The following SLC45A3 variants were observed in gnomAD, a reference collection of about 807,000 sequenced individuals.
SLC45A3 encodes the protein solute carrier family 45 member 3.
SLC45A3 carries 17 observed loss-of-function variants against 35.3 expected under a neutral mutation model. The observed-to-expected ratio is 0.48, with a 90% CI of 0.33 to 0.72. SLC45A3 has a LOEUF of 0.72. SLC45A3 is among the 30% of genes least tolerant of loss of function. The pLI is 0.02. For synonymous variants in SLC45A3, 288 were observed against 334.3 expected (o/e 0.86, Z 1.51); for missense variants, 597 against 731.7 (o/e 0.82, Z 2.12).
Position 205,678,294 on chromosome 1 carries a change from G to A in SLC45A3, c.-231+2100C>T, listed in dbSNP as rs540717535. ...ATCGTGACATTGCACTCCAGCCTGGGCAACAAGAGTGAAACTTCGTCTAAA... is the reference window on the plus strand; with the variant it reads ...ATCGTGACATTGCACTCCAGCCTGGACAACAAGAGTGAAACTTCGTCTAAA... On this transcript the variant is annotated intron_variant, in intron 1 of 4. Coordinates refer to ENST00000367145, the MANE Select transcript of SLC45A3 (RefSeq NM_033102.3). Among the ~76,000 whole-genome samples the A allele has an allele frequency of 1.2e-4, 18 of 152,310 alleles. No individual in the cohort carries two copies. In the East Asian group the frequency reaches 3.1e-3, roughly 26 times the overall value.
At chr1:205,672,648 T>C (rs80060584) in intron 1 of SLC45A3, among the ~76,000 whole-genome samples, 1 of 152,188 alleles carries the variant, frequency 6.6e-6, no homozygotes, top group Non-Finnish European at 1.5e-5. Context: ...AGCAGAAAAT[T>C]CGAACCATTT....
chr1:205,670,930 C>G (rs931155044), intron 1 of SLC45A3, among the ~76,000 whole-genome samples: 6 of 152,220 alleles, frequency 3.9e-5, no homozygotes, highest in Admixed American at 2.0e-4. Context: ...TCCCTCCCCC[C>G]ACTCACCCCC....
At position 205,658,414 on chromosome 1, in the gene SLC45A3, C is replaced by T; in HGVS notation, c.*820G>A. ...TCCTGGGTTAGGCATTTTGGGGGGC[C>T]AGACCCCAGGAGAAGAAGATTCTGG... On this transcript the variant is annotated 3_prime_UTR_variant, in exon 5 of 5. Transcript: ENST00000367145. The T allele has an allele frequency of 4.3e-6, 1 of 233,054 alleles. No individual in the cohort carries two copies. Among genetic ancestry groups the T allele is most frequent in the East Asian group, 6.0e-5 (1 of 16,584 alleles). 14.4% of individuals were successfully genotyped at this position (233,054 alleles called of 1,614,324 possible).
intron 1 of SLC45A3, among the ~76,000 whole-genome samples, chr1:205,672,423 T>A (rs570266400): frequency 5.8e-4 from 89 of 152,228 alleles, no homozygotes; most frequent in African/African-American, 2.1e-3. Flanking sequence ...ACGATTTCCA[T>A]CCACAGGGAA....
rs150450020 is a variant in SLC45A3 at position 205,663,336 on chromosome 1, C to T, written c.455G>A (p.Arg152Gln). 8.4e-5 allele frequency: 135 copies of T among 1,613,356 alleles called. No individual in the cohort carries two copies. The highest frequency in any genetic ancestry group is 1.1e-4 in the Non-Finnish European group (126 of 1,180,018). The change falls in exon 3 of 5, where the codon CGG becomes CAG. Residue 152 changes from arginine (R) to glutamine (Q), a missense_variant. Arg to Gln is a conservative substitution (Grantham distance 43). This residue lies in a region of SLC45A3 where 555 missense variants were observed against 664.9 expected (regional missense o/e 0.83). Coordinates refer to ENST00000367145, the MANE Select transcript of SLC45A3 (RefSeq NM_033102.3). The stretch of plus-strand genomic sequence containing the variant: ...GGCCTGGCGACAGTGGTCCGGGTCC[C>T]GGAAGAGGTCAGAGAGCAGGGCCTC... The part of the protein sequence containing the change: ...PLEALLSDLF[R>Q]DPDHCRQAYS...
rs1198164030 is a variant in SLC45A3 at position 205,666,140 on chromosome 1, T to C, written c.-230-1254A>G. Among the ~76,000 whole-genome samples, 1 of 152,140 alleles carries C rather than the reference T, an allele frequency of 6.6e-6. No homozygotes were observed. Among genetic ancestry groups the C allele is most frequent in the African/African-American group, 2.4e-5 (1 of 41,408 alleles). Reference sequence around the variant, plus strand: ...AGGCATTTCAACTTATCTTATCTTTTCACACAATACTAAACCCCATGGGGC... The same window carrying C: ...AGGCATTTCAACTTATCTTATCTTTCCACACAATACTAAACCCCATGGGGC... On this transcript the variant is annotated intron_variant, in intron 1 of 4. Coordinates refer to ENST00000367145, the MANE Select transcript of SLC45A3 (RefSeq NM_033102.3). The surrounding 1 kb of genome is among the most constrained non-coding windows in gnomAD (Gnocchi z 4.1).
At chr1:205,674,056 TG>T (rs1671258254) in intron 1 of SLC45A3, among the ~76,000 whole-genome samples, 1 of 152,144 alleles carries the variant, frequency 6.6e-6, no homozygotes, top group Non-Finnish European at 1.5e-5. Context: ...TGCAATGAGA[TG>T]GCACAGTGGC....
chr1:205,667,952 C>G lies in SLC45A3; in HGVS notation c.-230-3066G>C, dbSNP rs964568590. Reference sequence around the variant, plus strand: ...TTTCTCCAACGCCCCCCATCCCCACCCAGAGATTCTTTACCTGGTAACTTG... The same window carrying G: ...TTTCTCCAACGCCCCCCATCCCCACGCAGAGATTCTTTACCTGGTAACTTG... On this transcript the variant is annotated intron_variant, in intron 1 of 4. Transcript: ENST00000367145. Among the ~76,000 whole-genome samples, 78 of 152,154 alleles carry G rather than the reference C, an allele frequency of 5.1e-4. 1 individual carries two copies. Among genetic ancestry groups the G allele is most frequent in the Non-Finnish European group, 9.8e-4 (67 of 68,030 alleles).
At chr1:205,668,679 G>C (rs1204394889) in intron 1 of SLC45A3, among the ~76,000 whole-genome samples, 1 of 152,166 alleles carries the variant, frequency 6.6e-6, no homozygotes, top group Non-Finnish European at 1.5e-5. Flanking sequence ...ACCTGGCAAG[G>C]AGTGGGCAGG....
At position 205,663,126 on chromosome 1, in the gene SLC45A3, G is replaced by T; in HGVS notation, c.665C>A (p.Ala222Glu). Residue 222 changes from alanine (A) to glutamate (E), a missense_variant, in exon 3 of 5, where the codon GCG becomes GAG. Ala to Glu is a moderately radical substitution (Grantham distance 107). Around this residue, in one of 3 missense-constraint regions of SLC45A3, gnomAD observed 555 missense variants for 664.9 expected, o/e 0.83. Coordinates refer to ENST00000367145, the MANE Select transcript of SLC45A3 (RefSeq NM_033102.3). Reference protein sequence around the residue: ...AATLLVAEEAALGPTEPAEGL... With the variant: ...AATLLVAEEAELGPTEPAEGL... ...TTCTGCTGGCTCGGTGGGGCCCAGC[G>T]CTGCCTCCTCAGCCACCAGCAGTGT... The T allele has an allele frequency of 6.2e-7, 1 of 1,602,896 alleles. No individual in the cohort carries two copies.
In SLC45A3 at chr1:205,662,324, C is replaced by T. The variant is rs1671041703; in HGVS notation, c.959-198G>A. 1 of 1,419,984 alleles carries T rather than the reference C, an allele frequency of 7.0e-7. No homozygotes were observed. Among genetic ancestry groups the T allele is most frequent in the African/African-American group, 1.4e-5 (1 of 69,518 alleles). 88.0% of individuals were successfully genotyped at this position (1,419,984 alleles called of 1,614,324 possible). ...TCCACTGACCCTCAGAGAATGTGGG[C>T]AACGCCCCTTGCTGAAGGCAGAGGA... is the stretch of plus-strand genomic sequence containing the variant. On this transcript the variant is annotated intron_variant, in intron 3 of 4. Coordinates refer to ENST00000367145, the MANE Select transcript of SLC45A3 (RefSeq NM_033102.3). This position sits in a 1 kb window ranked among gnomAD's most constrained non-coding sequence, Gnocchi z 6.2.
At chr1:205,675,605 G>A (rs924850788) in intron 1 of SLC45A3, among the ~76,000 whole-genome samples, 7 of 152,090 alleles carry the variant, frequency 4.6e-5, no homozygotes, top group African/African-American at 1.7e-4. Flanking sequence ...TCATGAGACT[G>A]GGTTTTGATC....
In SLC45A3 at chr1:205,663,599, G is replaced by A. The variant is rs141040181; in HGVS notation, c.192C>T (p.Gly64=). The A allele has an allele frequency of 7.6e-4, 1,214 of 1,597,652 alleles. 1 individual carries two copies. The African/African-American group carries it at 0.014, about 18-fold the overall frequency. ...AGCCTAGGAGCGGGACACAGACCAG[G>A]CCCAGCACTGGACCAATGCCTGCAA... ...TMVLGIGPVL[G]LVCVPLLGSA... The change falls in exon 3 of 5, where the codon GGC becomes GGT. Residue 64 remains glycine (G), a synonymous_variant. Coordinates refer to ENST00000367145, the MANE Select transcript of SLC45A3 (RefSeq NM_033102.3).
Position 205,662,213 on chromosome 1 carries a change from A to G in SLC45A3, c.959-87T>C. The G allele has an allele frequency of 6.7e-7, 1 of 1,494,538 alleles. No individual in the cohort carries two copies. Among genetic ancestry groups the G allele is most frequent in the Non-Finnish European group, 8.9e-7 (1 of 1,120,442 alleles). The allele number at this position is 1,494,538 out of a possible 1,614,324, so 92.6% of individuals were successfully genotyped here. On this transcript the variant is annotated intron_variant, in intron 3 of 4. Coordinates refer to ENST00000367145, the MANE Select transcript of SLC45A3 (RefSeq NM_033102.3). The surrounding 1 kb of genome is among the most constrained non-coding windows in gnomAD (Gnocchi z 6.2). ...GAGATGAGAAGGCGGAACCACAGGT[A>G]CCTGCTGCACGAGACCTGCTGTGGA...
At position 205,664,867 on chromosome 1, in the gene SLC45A3, C is replaced by A; in HGVS notation, c.-211G>T. The stretch of plus-strand genomic sequence containing the variant: ...CTGCTGTGGGGCACCTCAGTGGGGA[C>A]ACGTCTCATCACTCAGATCCTAGAA... On this transcript the variant is annotated 5_prime_UTR_variant, in exon 2 of 5. Transcript: ENST00000367145. This position sits in a 1 kb window ranked among gnomAD's most constrained non-coding sequence, Gnocchi z 5.3. The A allele has an allele frequency of 7.1e-7, 1 of 1,403,134 alleles. No individual in the cohort carries two copies. Among genetic ancestry groups the A allele is most frequent in the East Asian group, 2.6e-5 (1 of 38,440 alleles). 86.9% of individuals were successfully genotyped at this position (1,403,134 alleles called of 1,614,324 possible).
At chr1:205,679,223 G>C (rs1671360928) in intron 1 of SLC45A3, among the ~76,000 whole-genome samples, 1 of 152,106 alleles carries the variant, frequency 6.6e-6, no homozygotes, top group Non-Finnish European at 1.5e-5. Flanking sequence ...CCGGGTCTGT[G>C]TAACAGCTGA....
At chr1:205,679,255 C>T (rs1194051342) in intron 1 of SLC45A3, among the ~76,000 whole-genome samples, 1 of 152,082 alleles carries the variant, frequency 6.6e-6, no homozygotes, top group Non-Finnish European at 1.5e-5. Flanking sequence ...TCACCAGGTA[C>T]CCACCATGCC....
In SLC45A3 at chr1:205,658,502, C is replaced by T. The variant is rs527684996; in HGVS notation, c.*732G>A. 1 of 233,010 alleles carries T rather than the reference C, an allele frequency of 4.3e-6. No homozygotes were observed. Among genetic ancestry groups the T allele is most frequent in the Non-Finnish European group, 8.5e-6 (1 of 117,936 alleles). 14.4% of individuals were successfully genotyped at this position (233,010 alleles called of 1,614,324 possible). A position where few individuals can be genotyped will look rare whatever the true frequency, so the allele number is the denominator to read the frequency against. On this transcript the variant is annotated 3_prime_UTR_variant, in exon 5 of 5. Coordinates refer to ENST00000367145, the MANE Select transcript of SLC45A3 (RefSeq NM_033102.3). The stretch of plus-strand genomic sequence containing the variant: ...TGATTGTTGGGGATCCCCCACCCTA[C>T]CCAAATATTAGACACCAACACAGAA...
chr1:205,671,191 T>C (rs1485149030), intron 1 of SLC45A3, among the ~76,000 whole-genome samples: 1 of 152,190 alleles, frequency 6.6e-6, no homozygotes, highest in African/African-American at 2.4e-5. Context: ...CAGCCTAAGC[T>C]AGGGCTGAAG....
Sources: gnomAD v4.1 joint callset for allele counts (sites outside exome capture counted in the v4.1 genomes callset) on GRCh38, gnomAD v4.1.1 for gene constraint, gnomAD v4.1.1 regional missense constraint, Gnocchi (gnomAD v3.1) non-coding constraint, MANE v1.5 for transcripts, NCBI Gene and HGNC (gene_info 2026-07-23, HGNC 2026-07-21) for gene names.